The following ATXN1 variants were observed in gnomAD, a reference collection of about 807,000 sequenced individuals.
ATXN1 encodes ataxin 1, also known as ataxin-1.
Under a neutral mutation model 56.4 loss-of-function variants are expected in ATXN1, and 8 were observed. The observed-to-expected ratio is 0.14, with a 90% confidence interval of 0.08 to 0.26. The LOEUF (loss-of-function observed/expected upper bound fraction) is 0.26. Among genes scored for constraint, ATXN1 ranks in the 10% least tolerant of loss-of-function variants. The pLI is 1.00. For synonymous variants in ATXN1, 514 were observed against 494.6 expected (o/e 1.04, Z -0.52); for missense variants, 987 against 1,106.5 (o/e 0.89, Z 1.53).
chr6:16,388,107 T>C (rs2113516834), intron 6 of ATXN1, among the ~76,000 whole-genome samples: 1 of 152,282 alleles, frequency 6.6e-6, no homozygotes, highest in Non-Finnish European at 1.5e-5. Context: ...CAAAGCCTAC[T>C]ATGCACAGGG....
At chr6:16,753,173 A>G in intron 2 of ATXN1, 60 bp downstream of exon 2, 3 of 450,354 alleles carry the variant, frequency 6.7e-6, no homozygotes, top group South Asian at 4.7e-5. Flanking sequence ...CTAGGAGGCA[A>G]TTTTCCAGGT....
intron 6 of ATXN1, among the ~76,000 whole-genome samples, chr6:16,390,679 A>T (rs1758334269): frequency 9.4e-6 from 1 of 106,222 alleles, no homozygotes; most frequent in African/African-American, 4.9e-5. Context: ...AAATAAACAC[A>T]TCACACACAC....
chr6:16,697,635 C>T (rs1468113635), intron 2 of ATXN1, among the ~76,000 whole-genome samples: 1 of 143,254 alleles, frequency 7.0e-6, no homozygotes, highest in African/African-American at 2.6e-5. Flanking sequence ...AAAAACAGCA[C>T]TCTCACTGGG....
chr6:16,573,363 T>G (rs1381689322), intron 4 of ATXN1, among the ~76,000 whole-genome samples: 1 of 152,194 alleles, frequency 6.6e-6, no homozygotes. Context: ...CAACAATTAC[T>G]AAGTTATATT....
intron 3 of ATXN1, among the ~76,000 whole-genome samples, chr6:16,633,429 C>A (rs1763540415): frequency 6.6e-6 from 1 of 152,094 alleles, no homozygotes; most frequent in Admixed American, 6.6e-5. Context: ...CAAACATGAC[C>A]ACACGACCCA....
chr6:16,411,374 C>A (rs1758796614), intron 6 of ATXN1, among the ~76,000 whole-genome samples: 1 of 151,920 alleles, frequency 6.6e-6, no homozygotes, highest in Admixed American at 6.5e-5. Context: ...AAAGTCAGTG[C>A]AAGATCTGTA....
At chr6:16,388,635 G>A (rs1758288161) in intron 6 of ATXN1, among the ~76,000 whole-genome samples, 3 of 152,194 alleles carry the variant, frequency 2.0e-5, no homozygotes, top group South Asian at 2.1e-4. Context: ...GACCATATCA[G>A]AAAGCTGGCA....
chr6:16,600,774 G>A (rs908189536), intron 3 of ATXN1, among the ~76,000 whole-genome samples: 2 of 152,222 alleles, frequency 1.3e-5, no homozygotes, highest in African/African-American at 4.8e-5. Flanking sequence ...TACTTTACAA[G>A]TTTAATCACC....
At chr6:16,435,904 C>CT (rs1030524615) in intron 6 of ATXN1, among the ~76,000 whole-genome samples, 67 of 148,050 alleles carry the variant, frequency 4.5e-4, no homozygotes, top group Non-Finnish European at 5.9e-4. Context: ...TTTTCTTTTT[C>CT]TTTTTTTTTT....
chr6:16,491,974 T>C (rs1760674281), intron 5 of ATXN1, among the ~76,000 whole-genome samples: 1 of 152,054 alleles, frequency 6.6e-6, no homozygotes, highest in African/African-American at 2.4e-5. Flanking sequence ...GGGACCTTGG[T>C]CCTACGACCA....
At chr6:16,322,082 G>A (rs975132898) in intron 7 of ATXN1, among the ~76,000 whole-genome samples, 6 of 152,064 alleles carry the variant, frequency 3.9e-5, no homozygotes, top group Admixed American at 3.9e-4. Flanking sequence ...AAATTAGCTG[G>A]GTGTAGTGGT....
rs1420382987 is a variant in ATXN1 at position 16,410,993 on chromosome 6, C to T, written c.-161+74979G>A. Among the ~76,000 whole-genome samples the T allele has an allele frequency of 6.6e-6, 1 of 151,854 alleles. No individual in the cohort carries two copies. Among genetic ancestry groups the T allele is most frequent in the Non-Finnish European group, 1.5e-5 (1 of 67,958 alleles). On this transcript the variant is annotated intron_variant, in intron 6 of 7. Coordinates refer to ENST00000436367, the MANE Select transcript of ATXN1 (RefSeq NM_001128164.2). The surrounding 1 kb of genome is among the most constrained non-coding windows in gnomAD (Gnocchi z 4.6). Reference sequence around the variant, plus strand: ...TACAAAAATTAGCCGTGTGTAGTAGCACATGCCTGTAGTTTCAGCTACTTG... The same window carrying T: ...TACAAAAATTAGCCGTGTGTAGTAGTACATGCCTGTAGTTTCAGCTACTTG...
chr6:16,504,182 G>A (rs62388980), intron 5 of ATXN1, among the ~76,000 whole-genome samples: 1,565 of 152,294 alleles, frequency 0.01, 17 homozygotes, highest in Non-Finnish European at 0.017. Context: ...CTAGCTAGCA[G>A]TTTGGGCTGC....
intron 2 of ATXN1, among the ~76,000 whole-genome samples, chr6:16,735,754 A>C (rs1760107048): frequency 6.6e-6 from 1 of 152,156 alleles, no homozygotes; most frequent in Non-Finnish European, 1.5e-5. Context: ...AACTCTTTTT[A>C]AAAGGTTGCA....
chr6:16,651,601 G>A (rs1429288666), intron 3 of ATXN1, among the ~76,000 whole-genome samples: 1 of 151,594 alleles, frequency 6.6e-6, no homozygotes, highest in East Asian at 1.9e-4. Context: ...CAGAGGAAGA[G>A]GAGGTGTCCA....
rs1444133579 is a variant in ATXN1 at position 16,367,362 on chromosome 6, T to TCTCA, written c.-160-38893_-160-38892insTGAG. On this transcript the variant is annotated intron_variant, in intron 6 of 7. Coordinates refer to ENST00000436367, the MANE Select transcript of ATXN1 (RefSeq NM_001128164.2). ...CTCTCTCTCTCTCTCTCTCTCTCTC[T>TCTCA]CACACACACACACACACACACACAT... Among the ~76,000 whole-genome samples the TCTCA allele has an allele frequency of 2.1e-4, 31 of 144,546 alleles. No homozygotes were observed. The East Asian group carries it at 3.2e-3, about 15-fold the overall frequency. 94.8% of individuals were successfully genotyped at this position (144,546 alleles called of 152,430 possible). A position where few individuals can be genotyped will look rare whatever the true frequency, so the allele number is the denominator to read the frequency against.
chr6:16,389,166 G>A (rs1444315592), intron 6 of ATXN1, among the ~76,000 whole-genome samples: 1 of 151,784 alleles, frequency 6.6e-6, no homozygotes, highest in African/African-American at 2.4e-5. Flanking sequence ...GTGAAACCTC[G>A]TCTGTACTAA....
chr6:16,454,393 C>T (rs1251486536), intron 6 of ATXN1, among the ~76,000 whole-genome samples: 1 of 152,142 alleles, frequency 6.6e-6, no homozygotes, highest in Non-Finnish European at 1.5e-5. Flanking sequence ...AACATCTGGG[C>T]AGCAGCATAA....
chr6:16,576,797 T>C (rs1762429929), intron 4 of ATXN1, among the ~76,000 whole-genome samples: 2 of 152,148 alleles, frequency 1.3e-5, no homozygotes, highest in Non-Finnish European at 2.9e-5. Context: ...GTAACCCCCA[T>C]GTTAGCATGC....
Sources: allele counts gnomAD v4.1 joint callset (sites outside exome capture counted in the v4.1 genomes callset), GRCh38; gene constraint gnomAD v4.1.1; non-coding constraint Gnocchi (gnomAD v3.1); transcripts MANE v1.5; gene names NCBI Gene and HGNC (gene_info 2026-07-23, HGNC 2026-07-21).